RAD51B: variants seen among roughly 807,000 people sequenced by gnomAD.
RAD51B encodes DNA repair protein RAD51 homolog 2.
A neutral mutation model predicts 42.2 loss-of-function variants in RAD51B; 38 were observed. The ratio of observed to expected loss-of-function variants is 0.90; its 90% confidence interval spans 0.70 to 1.18. The LOEUF is 1.18. RAD51B is among the 50% of genes most tolerant of loss of function. RAD51B has a pLI of 0.00. For missense variants in RAD51B, 373 were observed against 400.7 expected (o/e 0.93, Z 0.59); for synonymous variants, 154 against 145.2 (o/e 1.06, Z -0.43).
intron 11 of RAD51B, among the ~76,000 whole-genome samples, chr14:68,671,709 T>C (rs1313392261): frequency 6.6e-6 from 1 of 152,146 alleles, no homozygotes; most frequent in Non-Finnish European, 1.5e-5. Flanking sequence ...TTAATGAATC[T>C]GTGTGTCCCC....
intron 7 of RAD51B, among the ~76,000 whole-genome samples, chr14:68,211,762 A>G (rs2079713834): frequency 6.6e-6 from 1 of 152,368 alleles, no homozygotes; most frequent in South Asian, 2.1e-4. Context: ...CGACATCAGA[A>G]GCACCCAGAG....
chr14:67,878,766 C>T (rs1325319626), intron 5 of RAD51B, among the ~76,000 whole-genome samples: 1 of 152,024 alleles, frequency 6.6e-6, no homozygotes, highest in Non-Finnish European at 1.5e-5. Flanking sequence ...GTGGTGTGAT[C>T]TTGGTTCACT....
intron 3 of RAD51B, among the ~76,000 whole-genome samples, chr14:67,830,399 G>T (rs1388567095): frequency 7.2e-6 from 1 of 138,542 alleles, no homozygotes; most frequent in African/African-American, 2.7e-5. Flanking sequence ...TATTTAGGAG[G>T]GATAATTTTT....
intron 8 of RAD51B, among the ~76,000 whole-genome samples, chr14:68,308,704 T>TAAAAAA (rs67048671): frequency 2.9e-5 from 3 of 104,308 alleles, no homozygotes; most frequent in Admixed American, 1.1e-4. Flanking sequence ...TCTGTGTCAT[T>TAAAAAA]AAAAAAAAAA....
chr14:68,531,017 T>C (rs1887269153), intron 10 of RAD51B, among the ~76,000 whole-genome samples: 2 of 152,078 alleles, frequency 1.3e-5, no homozygotes, highest in Admixed American at 1.3e-4. Flanking sequence ...TTTCAGACTT[T>C]GAAACATATA....
At chr14:67,901,613 C>T (rs772472604) in intron 7 of RAD51B, among the ~76,000 whole-genome samples, 55 of 152,194 alleles carry the variant, frequency 3.6e-4, no homozygotes, top group Middle Eastern at 6.8e-3. Flanking sequence ...GACAGCATGA[C>T]GCAGTAGAAG....
At chr14:67,882,738 T>G (rs2042947649) in intron 5 of RAD51B, among the ~76,000 whole-genome samples, 1 of 152,102 alleles carries the variant, frequency 6.6e-6, no homozygotes, top group Non-Finnish European at 1.5e-5. Flanking sequence ...ACCCAATTAG[T>G]CAAGAAATTC....
At chr14:68,484,444 G>T (rs1243120988) in intron 10 of RAD51B, among the ~76,000 whole-genome samples, 4 of 144,526 alleles carry the variant, frequency 2.8e-5, no homozygotes, top group Non-Finnish European at 4.5e-5. Flanking sequence ...TGCAACCTCC[G>T]CCTTCCGGGT....
intron 7 of RAD51B, among the ~76,000 whole-genome samples, chr14:68,280,811 T>G (rs1408257824): frequency 6.6e-6 from 1 of 152,158 alleles, no homozygotes; most frequent in Non-Finnish European, 1.5e-5. Context: ...CCCAGCACTT[T>G]GGGAGGCCAA....
intron 4 of RAD51B, among the ~76,000 whole-genome samples, chr14:67,853,043 A>G (rs2041877536): frequency 6.6e-6 from 1 of 152,220 alleles, no homozygotes; most frequent in South Asian, 2.1e-4. Flanking sequence ...AAAAGCTTAA[A>G]ACCCAAGAAG....
chr14:68,549,409 A>ATTTTTTT (rs71129897), intron 10 of RAD51B, among the ~76,000 whole-genome samples: 2,829 of 63,434 alleles, frequency 0.045, 380 homozygotes, highest in Non-Finnish European at 0.066. Flanking sequence ...CCCTGGACAC[A>ATTTTTTT]TTTTTTTTTT....
chr14:67,939,762 A>G (rs2045095192), intron 7 of RAD51B, among the ~76,000 whole-genome samples: 1 of 151,956 alleles, frequency 6.6e-6, no homozygotes, highest in Admixed American at 6.6e-5. Flanking sequence ...CAGGGACTCC[A>G]GCTTCAAGAC....
chr14:68,569,738 G>A (rs758979114), intron 10 of RAD51B, among the ~76,000 whole-genome samples: 5 of 152,190 alleles, frequency 3.3e-5, no homozygotes, highest in Non-Finnish European at 5.9e-5. Context: ...ACAGCACCAC[G>A]GGCTCTCGGG....
chr14:68,396,233 A>G (rs2083918439), intron 8 of RAD51B, among the ~76,000 whole-genome samples: 1 of 152,152 alleles, frequency 6.6e-6, no homozygotes, highest in African/African-American at 2.4e-5. Flanking sequence ...CAATTAAGAG[A>G]TTTTTATCAC....
intron 7 of RAD51B, among the ~76,000 whole-genome samples, chr14:68,216,888 A>G (rs915630656): frequency 6.6e-5 from 10 of 152,226 alleles, no homozygotes; most frequent in East Asian, 3.9e-4. Context: ...AATCACTACT[A>G]TTTGCCTCAA....
At chr14:68,087,350 A>G (rs1595376957) in intron 7 of RAD51B, among the ~76,000 whole-genome samples, 1 of 151,942 alleles carries the variant, frequency 6.6e-6, no homozygotes, top group African/African-American at 2.4e-5. Flanking sequence ...GTGTTCTGAG[A>G]CCCTCTGGAG....
At chr14:68,339,513 TCTTTC>T in intron 8 of RAD51B, 1 of 417,950 alleles carries the variant, frequency 2.4e-6, no homozygotes, top group Non-Finnish European at 4.2e-6. Flanking sequence ...TCCTTGGCTT[TCTTTC>T]CTTTCAGCAT....
intron 7 of RAD51B, among the ~76,000 whole-genome samples, chr14:67,949,495 C>T (rs1351051651): frequency 2.0e-5 from 3 of 152,120 alleles, no homozygotes; most frequent in Non-Finnish European, 2.9e-5. Flanking sequence ...AGTTCTCTTG[C>T]TATTTGTATC....
At chr14:68,335,424 C>T (rs1489645962) in intron 8 of RAD51B, among the ~76,000 whole-genome samples, 3 of 151,910 alleles carry the variant, frequency 2.0e-5, no homozygotes, top group African/African-American at 7.2e-5. Context: ...TTGATTAGTA[C>T]AATCAGCATA....
Sources: allele counts gnomAD v4.1 joint callset (sites outside exome capture counted in the v4.1 genomes callset), GRCh38; gene constraint gnomAD v4.1.1; transcripts MANE v1.5; gene names NCBI Gene and HGNC (gene_info 2026-07-23, HGNC 2026-07-21).